CPEB3: variants seen among roughly 807,000 people sequenced by gnomAD.
CPEB3 encodes cytoplasmic polyadenylation element-binding protein 3.
In CPEB3, 20 loss-of-function variants were observed where a neutral mutation model predicts 67.2. The observed-to-expected ratio is 0.30, with a 90% CI of 0.21 to 0.43. CPEB3 has a LOEUF of 0.43. Among genes scored for constraint, CPEB3 ranks in the 20% least tolerant of loss-of-function variants. The pLI is 1.00. For missense variants in CPEB3, 746 were observed against 968.6 expected (o/e 0.77, Z 3.05); for synonymous variants, 376 against 393.1 (o/e 0.96, Z 0.51).
chr10:92,223,576 T>C (rs1850804887), intron 2 of CPEB3, among the ~76,000 whole-genome samples: 1 of 136,442 alleles, frequency 7.3e-6, no homozygotes, highest in East Asian at 2.0e-4. Context: ...TCTTTTTTTT[T>C]TTTTTTTTTT....
chr10:92,251,821 A>G (rs1852312972), intron 1 of CPEB3, among the ~76,000 whole-genome samples: 1 of 152,022 alleles, frequency 6.6e-6, no homozygotes, highest in South Asian at 2.1e-4. Flanking sequence ...GGTGCCTGTA[A>G]TCCCAGCTAC....
intron 7 of CPEB3, among the ~76,000 whole-genome samples, chr10:92,095,749 AATT>A (rs1459932878): frequency 1.3e-5 from 2 of 151,574 alleles, no homozygotes; most frequent in Non-Finnish European, 2.9e-5. Context: ...TTTCTTTAAT[AATT>A]ATTTTTGAGA....
At chr10:92,245,707 C>T (rs1381475063) in intron 1 of CPEB3, among the ~76,000 whole-genome samples, 1 of 152,146 alleles carries the variant, frequency 6.6e-6, no homozygotes, top group African/African-American at 2.4e-5. Flanking sequence ...ACTTTGCTAA[C>T]CTACCAAACT....
At chr10:92,165,077 T>C (rs1847672970) in intron 4 of CPEB3, among the ~76,000 whole-genome samples, 1 of 152,176 alleles carries the variant, frequency 6.6e-6, no homozygotes, top group Non-Finnish European at 1.5e-5. Context: ...AAGTTATGTT[T>C]ATATTATACT....
chr10:92,073,797 A>T (rs947472830), intron 9 of CPEB3, among the ~76,000 whole-genome samples: 3 of 152,154 alleles, frequency 2.0e-5, no homozygotes, highest in Admixed American at 6.5e-5. Context: ...CAAAAAAGAC[A>T]GCTCTGCCCT....
intron 6 of CPEB3, among the ~76,000 whole-genome samples, chr10:92,115,436 G>A (rs1362811956): frequency 1.3e-5 from 2 of 152,226 alleles, no homozygotes; most frequent in Admixed American, 6.5e-5. Context: ...ACAGGCGTAA[G>A]CCACTGCACC....
At chr10:92,111,258 T>A in intron 6 of CPEB3, 64 bp from the exon 7 acceptor site, 1 of 1,044,266 alleles carries the variant, frequency 9.6e-7, no homozygotes, top group Non-Finnish European at 1.5e-6. Context: ...AAGTACCAAT[T>A]ACAAATTATC....
At chr10:92,068,139 T>C (rs1040592842) in intron 9 of CPEB3, among the ~76,000 whole-genome samples, 16 of 152,206 alleles carry the variant, frequency 1.1e-4, no homozygotes, top group Admixed American at 2.6e-4. Context: ...CTCTGCCATA[T>C]GTTTATGGAG....
intron 4 of CPEB3, among the ~76,000 whole-genome samples, chr10:92,168,332 A>G (rs1847840763): frequency 6.6e-6 from 1 of 152,210 alleles, no homozygotes; most frequent in South Asian, 2.1e-4. Context: ...CTAATAGAAA[A>G]GTGTTTTTAC....
At chr10:92,167,521 TG>T (rs891263164) in intron 4 of CPEB3, among the ~76,000 whole-genome samples, 9 of 152,208 alleles carry the variant, frequency 5.9e-5, no homozygotes, top group African/African-American at 1.4e-4. Context: ...AACAGTAGAA[TG>T]GCCAGCTGGT....
intron 7 of CPEB3, among the ~76,000 whole-genome samples, chr10:92,100,803 G>A (rs553479289): frequency 6.6e-6 from 1 of 152,188 alleles, no homozygotes; most frequent in Non-Finnish European, 1.5e-5. Flanking sequence ...CTGTTAGCCA[G>A]GATGGTCTCG....
intron 2 of CPEB3, among the ~76,000 whole-genome samples, chr10:92,215,728 A>C (rs2134385695): frequency 7.2e-6 from 1 of 138,090 alleles, no homozygotes; most frequent in African/African-American, 2.7e-5. Context: ...GGCATGAGCC[A>C]TGGCGCCTGG....
chr10:92,063,426 C>T (rs1396758037), intron 9 of CPEB3, among the ~76,000 whole-genome samples: 1 of 152,158 alleles, frequency 6.6e-6, no homozygotes, highest in African/African-American at 2.4e-5. Flanking sequence ...CAAAGACTGG[C>T]CTCTGTTACA....
chr10:92,201,376 A>G (rs1328627243), intron 2 of CPEB3, among the ~76,000 whole-genome samples: 3 of 152,192 alleles, frequency 2.0e-5, no homozygotes, highest in African/African-American at 4.8e-5. Flanking sequence ...AACAATATAA[A>G]AATTAGCCGG....
At chr10:92,063,019 T>C (rs888533506) in intron 9 of CPEB3, among the ~76,000 whole-genome samples, 1 of 152,234 alleles carries the variant, frequency 6.6e-6, no homozygotes, top group Admixed American at 6.5e-5. Flanking sequence ...GATGAGCTTG[T>C]AACCACTAAG....
intron 2 of CPEB3, among the ~76,000 whole-genome samples, chr10:92,230,057 A>G (rs538588028): frequency 1.9e-4 from 29 of 152,330 alleles, no homozygotes; most frequent in African/African-American, 7.0e-4. Context: ...AAAAAAAAAA[A>G]AGAAATACTA....
intron 2 of CPEB3, among the ~76,000 whole-genome samples, chr10:92,194,432 C>T (rs12246924): frequency 0.19 from 28,542 of 151,524 alleles, 3,354 homozygotes; most frequent in East Asian, 0.4. Flanking sequence ...AGCAAGACTC[C>T]ATCTCAAAAT....
At chr10:92,161,314 C>T (rs1847464486) in intron 4 of CPEB3, among the ~76,000 whole-genome samples, 1 of 151,644 alleles carries the variant, frequency 6.6e-6, no homozygotes, top group East Asian at 1.9e-4. Flanking sequence ...CCTTGTTGCC[C>T]AGGCTGGAGT....
chr10:92,264,497 A>T (rs1852953222), intron 1 of CPEB3, among the ~76,000 whole-genome samples: 1 of 152,172 alleles, frequency 6.6e-6, no homozygotes, highest in South Asian at 2.1e-4. Context: ...TTCTTTGCAT[A>T]CAATCAGGCC....
Sources: gnomAD v4.1 joint callset for allele counts (sites outside exome capture counted in the v4.1 genomes callset) on GRCh38, gnomAD v4.1.1 for gene constraint, MANE v1.5 for transcripts, NCBI Gene and HGNC (gene_info 2026-07-23, HGNC 2026-07-21) for gene names.